The following ARL15 variants were observed in gnomAD, a reference collection of about 807,000 sequenced individuals.
ARL15 encodes the protein ADP-ribosylation factor-like protein 15.
In ARL15, 19 loss-of-function variants were observed where a neutral mutation model predicts 25.2. The observed-to-expected ratio is 0.75, with a 90% confidence interval of 0.53 to 1.10. The LOEUF is 1.10. Ranked by LOEUF, ARL15 falls within the 50% of genes least tolerant of loss-of-function variation. The pLI, the probability that ARL15 is intolerant of heterozygous loss-of-function variation, is 0.00. For synonymous variants in ARL15, 94 were observed against 86.8 expected, an observed-to-expected ratio of 1.08 and a Z score of -0.46; for missense variants, 220 against 246.0, an observed-to-expected ratio of 0.89 and a Z score of 0.71.
chr5:54,199,608 C>G (rs1755654444), intron 1 of ARL15, among the ~76,000 whole-genome samples: 1 of 151,550 alleles, frequency 6.6e-6, no homozygotes, highest in Admixed American at 6.6e-5. Context: ...CATCTCACAC[C>G]AGTTAGAATG....
chr5:53,969,137 C>T (rs1466807820), intron 4 of ARL15, among the ~76,000 whole-genome samples: 2 of 151,878 alleles, frequency 1.3e-5, no homozygotes, highest in African/African-American at 2.4e-5. Flanking sequence ...GGTGACAGAG[C>T]GAGATTCCAT....
chr5:53,899,713 A>G (rs1427543684), intron 4 of ARL15, among the ~76,000 whole-genome samples: 2 of 152,082 alleles, frequency 1.3e-5, no homozygotes, highest in African/African-American at 4.8e-5. Context: ...GCATGGTTAT[A>G]CCTCTTATAC....
chr5:54,171,282 C>T (rs1007133838), intron 2 of ARL15, among the ~76,000 whole-genome samples: 4 of 152,144 alleles, frequency 2.6e-5, no homozygotes, highest in African/African-American at 9.7e-5. Flanking sequence ...AGAACCACTG[C>T]CCTAGACTGA....
chr5:54,150,080 TG>T (rs1754025287), intron 3 of ARL15, among the ~76,000 whole-genome samples: 2 of 152,224 alleles, frequency 1.3e-5, no homozygotes, highest in Non-Finnish European at 2.9e-5. Context: ...AAGTCAAGTA[TG>T]GAAGAGTTTC....
At chr5:54,233,908 A>T (rs1307971849) in intron 1 of ARL15, among the ~76,000 whole-genome samples, 1 of 152,242 alleles carries the variant, frequency 6.6e-6, no homozygotes, top group African/African-American at 2.4e-5. Context: ...ATCTGCAAAG[A>T]GGTAAAACAA....
At chr5:54,159,876 T>G (rs1328068331) in intron 2 of ARL15, among the ~76,000 whole-genome samples, 1 of 152,254 alleles carries the variant, frequency 6.6e-6, no homozygotes, top group Admixed American at 6.5e-5. Flanking sequence ...TTTCATGCAC[T>G]GAAAGCATTC....
At chr5:54,310,290 C>T in intron 1 of ARL15, 142 bp downstream of exon 1, 1 of 977,396 alleles carries the variant, frequency 1.0e-6, no homozygotes, top group East Asian at 2.7e-5. Flanking sequence ...CAGGGAAAGG[C>T]TTACCAGCCG....
At chr5:53,915,206 G>T (rs1340451640) in intron 4 of ARL15, among the ~76,000 whole-genome samples, 1 of 152,198 alleles carries the variant, frequency 6.6e-6, no homozygotes, top group East Asian at 1.9e-4. Flanking sequence ...CAAACTACTA[G>T]GGGGAGGAGA....
At chr5:54,298,272 A>G (rs190633817) in intron 1 of ARL15, among the ~76,000 whole-genome samples, 36 of 152,258 alleles carry the variant, frequency 2.4e-4, no homozygotes, top group African/African-American at 7.9e-4. Flanking sequence ...CTACATCTAG[A>G]TGGCTACAAA....
intron 4 of ARL15, among the ~76,000 whole-genome samples, chr5:53,958,729 T>C (rs1561165814): frequency 6.6e-6 from 1 of 152,128 alleles, no homozygotes; most frequent in Non-Finnish European, 1.5e-5. Flanking sequence ...AAAAAAGATA[T>C]TGTATGCACA....
chr5:54,128,007 C>A (rs925176103), intron 3 of ARL15, among the ~76,000 whole-genome samples: 6 of 151,412 alleles, frequency 4.0e-5, no homozygotes, highest in Non-Finnish European at 7.3e-5. Context: ...ACACCTTATA[C>A]AAAAATTAAT....
chr5:54,126,629 G>A (rs1753261938), intron 3 of ARL15, among the ~76,000 whole-genome samples: 1 of 152,122 alleles, frequency 6.6e-6, no homozygotes, highest in South Asian at 2.1e-4. Flanking sequence ...AGTTGCTTAG[G>A]TCATGAGGGA....
At chr5:53,907,002 G>A (rs2111961677) in intron 4 of ARL15, among the ~76,000 whole-genome samples, 1 of 152,188 alleles carries the variant, frequency 6.6e-6, no homozygotes, top group South Asian at 2.1e-4. Flanking sequence ...TTGTATGCAG[G>A]TGATTGACAG....
chr5:54,233,059 C>A (rs751069624), intron 1 of ARL15, among the ~76,000 whole-genome samples: 1 of 152,222 alleles, frequency 6.6e-6, no homozygotes, highest in East Asian at 1.9e-4. Flanking sequence ...CCCTTTAGCA[C>A]AAATCATGCT....
intron 4 of ARL15, among the ~76,000 whole-genome samples, chr5:54,060,120 T>A (rs1751016207): frequency 1.6e-5 from 2 of 124,528 alleles, no homozygotes; most frequent in African/African-American, 3.5e-5. Context: ...TCTCATGAGA[T>A]CTGATGACTA....
chr5:53,978,007 A>G (rs1561173453), intron 4 of ARL15, among the ~76,000 whole-genome samples: 1 of 152,216 alleles, frequency 6.6e-6, no homozygotes, highest in African/African-American at 2.4e-5. Context: ...GCACAAAACC[A>G]TCTAAGAGAC....
intron 4 of ARL15, among the ~76,000 whole-genome samples, chr5:54,026,500 G>A (rs1749790801): frequency 6.6e-6 from 1 of 152,108 alleles, no homozygotes; most frequent in Non-Finnish European, 1.5e-5. Flanking sequence ...GAATTCCTGG[G>A]CTCAAGTGAT....
intron 4 of ARL15, among the ~76,000 whole-genome samples, chr5:54,012,055 A>C (rs553864166): frequency 1.3e-5 from 2 of 152,322 alleles, no homozygotes; most frequent in Non-Finnish European, 2.9e-5. Context: ...AATATTGTAA[A>C]TTTAAGGTAG....
At chr5:54,144,186 G>T (rs1753845921) in intron 3 of ARL15, among the ~76,000 whole-genome samples, 1 of 151,478 alleles carries the variant, frequency 6.6e-6, no homozygotes, top group African/African-American at 2.4e-5. Flanking sequence ...AATTGAGAGG[G>T]CTCATTACAT....
Sources: allele counts gnomAD v4.1 joint callset (sites outside exome capture counted in the v4.1 genomes callset), GRCh38; gene constraint gnomAD v4.1.1; transcripts MANE v1.5; gene names NCBI Gene and HGNC (gene_info 2026-07-23, HGNC 2026-07-21).